Variants in SLC35F4 observed in about 807,000 individuals in gnomAD.
SLC35F4 encodes the protein chromosome 14 open reading frame 36.
A neutral mutation model predicts 44.2 loss-of-function variants in SLC35F4; 24 were observed. The ratio of observed to expected loss-of-function variants is 0.54; its 90% CI spans 0.39 to 0.76. The LOEUF is 0.76. SLC35F4 is among the 30% of genes least tolerant of loss of function. SLC35F4 has a pLI of 0.00. For missense variants in SLC35F4, 562 were observed against 586.1 expected (o/e 0.96, Z 0.42); for synonymous variants, 238 against 223.6 (o/e 1.06, Z -0.57).
chr14:57,669,415 G>C (rs1313509221), intron 1 of SLC35F4, among the ~76,000 whole-genome samples: 1 of 152,048 alleles, frequency 6.6e-6, no homozygotes, highest in Non-Finnish European at 1.5e-5. Context: ...TGCCAGTTTT[G>C]AAAAGGAATG....
At chr14:57,648,847 T>C (rs2073659977) in intron 1 of SLC35F4, among the ~76,000 whole-genome samples, 1 of 152,224 alleles carries the variant, frequency 6.6e-6, no homozygotes, top group Non-Finnish European at 1.5e-5. Flanking sequence ...TGCATAGACT[T>C]ATACTAGAAA....
intron 1 of SLC35F4, among the ~76,000 whole-genome samples, chr14:57,712,678 A>G (rs1175878697): frequency 6.6e-6 from 1 of 152,258 alleles, no homozygotes; most frequent in Non-Finnish European, 1.5e-5. Flanking sequence ...CTTAACAAAT[A>G]GATTTTTAAA....
intron 1 of SLC35F4, among the ~76,000 whole-genome samples, chr14:57,721,896 C>G (rs2076094454): frequency 6.6e-6 from 1 of 152,120 alleles, no homozygotes; most frequent in African/African-American, 2.4e-5. Flanking sequence ...ATGGCCCCCC[C>G]TGAGGCAGTT....
intron 1 of SLC35F4, among the ~76,000 whole-genome samples, chr14:57,659,973 T>C (rs1405228262): frequency 6.6e-6 from 1 of 152,198 alleles, no homozygotes; most frequent in Non-Finnish European, 1.5e-5. Context: ...TGCAAATTAG[T>C]ACCCACCAAT....
intron 1 of SLC35F4, among the ~76,000 whole-genome samples, chr14:57,926,791 G>C (rs1194579327): frequency 6.6e-6 from 1 of 151,400 alleles, no homozygotes; most frequent in African/African-American, 2.4e-5. Flanking sequence ...ATGAAAAGTT[G>C]AATGACTCAC....
chr14:57,974,935 G>T (rs1356008770), downstream of SLC35F4, among the ~76,000 whole-genome samples: 2 of 152,230 alleles, frequency 1.3e-5, no homozygotes, highest in East Asian at 1.9e-4. Flanking sequence ...TGCCTCAGAG[G>T]CTGACTTTTC....
intron 1 of SLC35F4, among the ~76,000 whole-genome samples, chr14:57,851,773 A>T (rs1334271325): frequency 6.6e-6 from 1 of 152,226 alleles, no homozygotes; most frequent in Non-Finnish European, 1.5e-5. Context: ...TCTAGAGTTT[A>T]ATTAATTATA....
intron 1 of SLC35F4, among the ~76,000 whole-genome samples, chr14:57,660,627 A>G (rs1212542335): frequency 1.3e-5 from 2 of 151,916 alleles, no homozygotes; most frequent in African/African-American, 4.8e-5. Flanking sequence ...ATGGCATGGC[A>G]CTTTTGAGAT....
chr14:57,811,475 C>T (rs565863737), intron 1 of SLC35F4, among the ~76,000 whole-genome samples: 1 of 152,184 alleles, frequency 6.6e-6, no homozygotes, highest in African/African-American at 2.4e-5. Context: ...CCCTTTCCAC[C>T]TTCAAAGGAC....
intron 1 of SLC35F4, among the ~76,000 whole-genome samples, chr14:57,763,921 A>C (rs901689710): frequency 6.6e-6 from 1 of 152,218 alleles, no homozygotes; most frequent in African/African-American, 2.4e-5. Context: ...TTGACCAATA[A>C]AATGTGACAC....
rs67819924 is a variant in SLC35F4 at position 57,600,691 on chromosome 14, CAAAAAAAAAAAAA to C, written c.104-6580_104-6568del. On this transcript the variant is annotated intron_variant, in intron 1 of 7. Coordinates refer to ENST00000556826, the MANE Select transcript of SLC35F4 (RefSeq NM_001306087.2). ...TGGGCGACAGAGCAAGACTCCATCT[CAAAAAAAAAAAAA>C]AAAAAAAAAAAAAAACCAAAAAGAT... Among the ~76,000 whole-genome samples, 181 of 55,400 alleles carry C rather than the reference CAAAAAAAAAAAAA, an allele frequency of 3.3e-3. 1 individual carries two copies. Among genetic ancestry groups the C allele is most frequent in the African/African-American group, 0.012 (162 of 12,966 alleles). The allele number at this position is 55,400 out of a possible 152,430, so 36.3% of individuals were successfully genotyped here.
chr14:57,669,806 C>G (rs1033685844), intron 1 of SLC35F4, among the ~76,000 whole-genome samples: 1 of 152,036 alleles, frequency 6.6e-6, no homozygotes, highest in Non-Finnish European at 1.5e-5. Context: ...TTTGTTGTGT[C>G]TCTGCCAGGC....
chr14:57,948,278 G>A (rs1156305044), intron 1 of SLC35F4, among the ~76,000 whole-genome samples: 1 of 151,940 alleles, frequency 6.6e-6, no homozygotes, highest in Non-Finnish European at 1.5e-5. Flanking sequence ...TATATTTCCA[G>A]GAATTTTTCC....
chr14:57,694,437 A>T (rs1011736236), intron 1 of SLC35F4, among the ~76,000 whole-genome samples: 3 of 152,128 alleles, frequency 2.0e-5, no homozygotes, highest in Non-Finnish European at 4.4e-5. Context: ...TGTTTGTGAG[A>T]CTCATAGAAA....
intron 1 of SLC35F4, among the ~76,000 whole-genome samples, chr14:57,782,106 A>C (rs1210219099): frequency 1.3e-5 from 2 of 152,226 alleles, no homozygotes; most frequent in African/African-American, 2.4e-5. Flanking sequence ...AATGTTTATC[A>C]CAATTACCTT....
chr14:57,913,440 T>C (rs1185808261), intron 1 of SLC35F4, among the ~76,000 whole-genome samples: 1 of 152,164 alleles, frequency 6.6e-6, no homozygotes, highest in Non-Finnish European at 1.5e-5. Context: ...CCAATTATTT[T>C]TTTCAACGTT....
chr14:57,854,712 C>G (rs1458749865), intron 1 of SLC35F4, among the ~76,000 whole-genome samples: 2 of 152,208 alleles, frequency 1.3e-5, no homozygotes, highest in African/African-American at 4.8e-5. Flanking sequence ...CACTCACTGG[C>G]TGTCGATTTG....
intron 1 of SLC35F4, among the ~76,000 whole-genome samples, chr14:57,817,720 C>A (rs928346066): frequency 3.3e-5 from 5 of 152,040 alleles, no homozygotes; most frequent in Non-Finnish European, 7.3e-5. Context: ...TCTGGCAAAG[C>A]CACCTGATTC....
intron 1 of SLC35F4, among the ~76,000 whole-genome samples, chr14:57,813,467 G>A (rs909599354): frequency 6.6e-6 from 1 of 152,122 alleles, no homozygotes; most frequent in African/African-American, 2.4e-5. Flanking sequence ...GTGTGTGCCT[G>A]TAGTCCCAGC....
Sources: gnomAD v4.1 joint callset for allele counts (sites outside exome capture counted in the v4.1 genomes callset) on GRCh38, gnomAD v4.1.1 for gene constraint, MANE v1.5 for transcripts, NCBI Gene and HGNC (gene_info 2026-07-23, HGNC 2026-07-21) for gene names.